Variants in PKN2 observed in about 807,000 individuals in gnomAD.
The protein encoded by PKN2 is serine/threonine-protein kinase N2.
In PKN2, 38 loss-of-function variants were observed where a neutral mutation model predicts 119.1. The observed-to-expected ratio is 0.32, with a 90% CI of 0.25 to 0.42. The LOEUF (loss-of-function observed/expected upper bound fraction) is 0.42. PKN2 is among the 10% of genes least tolerant of loss of function. The pLI is 1.00. For missense variants in PKN2, 850 were observed against 1,165.1 expected (o/e 0.73, Z 3.94); for synonymous variants, 390 against 384.9 (o/e 1.01, Z -0.15).
intron 2 of PKN2, 57 bp downstream of exon 2, chr1:88,741,345 T>G (rs1668572633): frequency 4.4e-6 from 5 of 1,135,222 alleles, no homozygotes; most frequent in Non-Finnish European, 5.9e-6. Flanking sequence ...AAATGTATCT[T>G]TTTAGAAAAT....
intron 3 of PKN2, among the ~76,000 whole-genome samples, chr1:88,760,654 T>C (rs1341990109): frequency 6.6e-6 from 1 of 152,212 alleles, no homozygotes; most frequent in East Asian, 1.9e-4. Flanking sequence ...CTGTTTTTTT[T>C]CACATTTTTG....
chr1:88,746,170 A>G (rs1357415364), intron 2 of PKN2, among the ~76,000 whole-genome samples: 1 of 152,172 alleles, frequency 6.6e-6, no homozygotes, highest in African/African-American at 2.4e-5. Context: ...TGAAACTATA[A>G]AACTGCTAGA....
chr1:88,750,721 GT>G (rs1408104060), intron 2 of PKN2, among the ~76,000 whole-genome samples: 1 of 151,992 alleles, frequency 6.6e-6, no homozygotes, highest in Non-Finnish European at 1.5e-5. Flanking sequence ...TTTTCTCTGT[GT>G]TTTCTGCCCC....
intron 1 of PKN2, among the ~76,000 whole-genome samples, chr1:88,730,967 A>T (rs1457488915): frequency 6.6e-6 from 1 of 152,236 alleles, no homozygotes; most frequent in Non-Finnish European, 1.5e-5. Flanking sequence ...TTCTGTTCAA[A>T]ACAAACAAAC....
In PKN2 at chr1:88,684,418, G is replaced by A. The variant is rs918243996; in HGVS notation, c.-163G>A. On this transcript the variant is annotated 5_prime_UTR_variant, in exon 1 of 22. Transcript: ENST00000370521. ...CCCGCCGCTCTCGATGAACCGGACG[G>A]AATAAGCCGCGCCTCCAGCAGGGGC... 6 of 612,602 alleles carry A rather than the reference G, an allele frequency of 9.8e-6. No individual in the cohort carries two copies. The highest frequency in any genetic ancestry group is 6.7e-5 in the Admixed American group (2 of 29,760). The allele number at this position is 612,602 out of a possible 1,614,324, so 37.9% of individuals were successfully genotyped here. A position where few individuals can be genotyped will look rare whatever the true frequency, so the allele number is the denominator to read the frequency against.
At chr1:88,699,287 G>A (rs1237093512) in intron 1 of PKN2, among the ~76,000 whole-genome samples, 1 of 152,072 alleles carries the variant, frequency 6.6e-6, no homozygotes, top group Non-Finnish European at 1.5e-5. Flanking sequence ...AACTTCAGAT[G>A]TATATATTTC....
chr1:88,784,600 G>T, intron 6 of PKN2, 39 bp from the exon 7 acceptor site: 1 of 1,285,186 alleles, frequency 7.8e-7, no homozygotes, highest in Non-Finnish European at 1.1e-6. Flanking sequence ...CATAGATTAA[G>T]GGTTGATGTT....
At chr1:88,806,084 G>A (rs1351478157) in intron 12 of PKN2, 67 bp downstream of exon 12, 13 of 1,307,988 alleles carry the variant, frequency 9.9e-6, no homozygotes, top group Non-Finnish European at 1.3e-5. Flanking sequence ...GCATCATAGT[G>A]AATAAGGCGT....
At chr1:88,818,980 C>T (rs369497664) in intron 16 of PKN2, among the ~76,000 whole-genome samples, 148 of 151,638 alleles carry the variant, frequency 9.8e-4, no homozygotes, top group Non-Finnish European at 1.7e-3. Flanking sequence ...TAGCCATATG[C>T]GGGGAACTGA....
chr1:88,823,319 C>T (rs1289004419), intron 17 of PKN2, among the ~76,000 whole-genome samples: 1 of 152,168 alleles, frequency 6.6e-6, no homozygotes, highest in East Asian at 1.9e-4. Context: ...CTTATTCTTT[C>T]AGAAGATGAA....
At chr1:88,785,893 A>G (rs905749998) in intron 7 of PKN2, among the ~76,000 whole-genome samples, 39 of 152,322 alleles carry the variant, frequency 2.6e-4, no homozygotes, top group African/African-American at 9.1e-4. Context: ...AGCAGTCACT[A>G]TTTGTGTTTT....
chr1:88,745,753 T>A (rs1557583166), intron 2 of PKN2, among the ~76,000 whole-genome samples: 1 of 152,088 alleles, frequency 6.6e-6, no homozygotes, highest in South Asian at 2.1e-4. Flanking sequence ...AAAATTTATA[T>A]GGAATCAGAA....
intron 1 of PKN2, among the ~76,000 whole-genome samples, chr1:88,721,201 CTG>C (rs1667665352): frequency 6.6e-6 from 1 of 152,138 alleles, no homozygotes; most frequent in African/African-American, 2.4e-5. Flanking sequence ...AATCTCCACA[CTG>C]TTTTCCGTAG....
intron 6 of PKN2, among the ~76,000 whole-genome samples, chr1:88,781,748 A>C (rs1404107560): frequency 6.6e-6 from 1 of 152,138 alleles, no homozygotes; most frequent in Non-Finnish European, 1.5e-5. Context: ...CCATAGTTTG[A>C]AGTAGTAGCC....
rs1435917342 is a variant in PKN2 at position 88,833,885 on chromosome 1, TTC to T, written c.*439_*440del. ...CTATTACTGTTCACACAAAGTATGA[TTC>T]TGTTTGAATAAGGCAAATGCTCCTT... On this transcript the variant is annotated 3_prime_UTR_variant, in exon 22 of 22. Coordinates refer to ENST00000370521, the MANE Select transcript of PKN2 (RefSeq NM_006256.4). 6.5e-6 allele frequency: 1 copy of T among 153,416 alleles called. No individual in the cohort carries two copies. The highest frequency in any genetic ancestry group is 1.4e-5 in the Non-Finnish European group (1 of 69,046). 9.5% of individuals were successfully genotyped at this position (153,416 alleles called of 1,614,324 possible).
At chr1:88,692,395 G>T (rs1201287875) in intron 1 of PKN2, among the ~76,000 whole-genome samples, 1 of 152,144 alleles carries the variant, frequency 6.6e-6, no homozygotes, top group African/African-American at 2.4e-5. Context: ...AGGTAGCATT[G>T]CTGCCTCACA....
intron 2 of PKN2, among the ~76,000 whole-genome samples, chr1:88,749,430 A>G (rs1668900500): frequency 6.6e-6 from 1 of 151,546 alleles, no homozygotes; most frequent in Non-Finnish European, 1.5e-5. Context: ...AAATTATTCT[A>G]ACTCACAGTG....
chr1:88,735,214 G>A (rs905954568), intron 1 of PKN2, among the ~76,000 whole-genome samples: 16 of 152,188 alleles, frequency 1.1e-4, no homozygotes, highest in Admixed American at 3.3e-4. Flanking sequence ...GCTAGAGGGC[G>A]GTGGTGCGAT....
At chr1:88,733,497 G>T (rs1668225589) in intron 1 of PKN2, among the ~76,000 whole-genome samples, 2 of 152,144 alleles carry the variant, frequency 1.3e-5, no homozygotes, top group African/African-American at 4.8e-5. Flanking sequence ...TTGGAGAAAT[G>T]TCTATGTAGG....
Sources: gnomAD v4.1 joint callset for allele counts (sites outside exome capture counted in the v4.1 genomes callset) on GRCh38, gnomAD v4.1.1 for gene constraint, MANE v1.5 for transcripts, NCBI Gene and HGNC (gene_info 2026-07-23, HGNC 2026-07-21) for gene names.